GLT8D2: variants seen among roughly 807,000 people sequenced by gnomAD.
GLT8D2 encodes glycosyltransferase 8 domain containing 2.
GLT8D2 carries 45 observed loss-of-function variants against 44.5 expected under a neutral mutation model. That is an observed-to-expected ratio of 1.01 (90% CI 0.80 to 1.30). The LOEUF (loss-of-function observed/expected upper bound fraction) is 1.30. Among genes scored for constraint, GLT8D2 ranks in the 50% most tolerant of loss-of-function variants. The probability of loss-of-function intolerance (pLI) is 0.00; values close to 1 mark genes in which losing one functional copy is unlikely to be tolerated. For synonymous variants in GLT8D2, 156 were observed against 157.2 expected (o/e 0.99, Z 0.06); for missense variants, 400 against 430.4 (o/e 0.93, Z 0.62).
intron 4 of GLT8D2, among the ~76,000 whole-genome samples, chr12:104,010,802 G>A (rs1002279772): frequency 6.6e-5 from 10 of 152,178 alleles, no homozygotes; most frequent in African/African-American, 2.2e-4. Context: ...CTTAATGAAA[G>A]TTTGCTGGAA....
chr12:104,001,737 T>A (rs1463308915), intron 5 of GLT8D2, among the ~76,000 whole-genome samples: 3 of 152,192 alleles, frequency 2.0e-5, no homozygotes, highest in African/African-American at 7.2e-5. Context: ...GCAGTCTCAC[T>A]CTGTCACCCA....
chr12:104,000,804 T>C (rs1167175571), intron 5 of GLT8D2, among the ~76,000 whole-genome samples: 1 of 151,922 alleles, frequency 6.6e-6, no homozygotes, highest in Non-Finnish European at 1.5e-5. Context: ...AGACAGAAAA[T>C]CCAGAAAGCA....
At chr12:103,997,363 A>T in intron 7 of GLT8D2, 88 bp downstream of exon 7, 2 of 946,348 alleles carry the variant, frequency 2.1e-6, no homozygotes, top group Middle Eastern at 2.1e-4. Context: ...CTTGCTGCAC[A>T]ATTAGTTATT....
intron 10 of GLT8D2, among the ~76,000 whole-genome samples, chr12:103,990,655 C>T (rs1872642161): frequency 6.6e-6 from 1 of 152,132 alleles, no homozygotes. Flanking sequence ...ATGACGTTAA[C>T]AACAACACAA....
intron 1 of GLT8D2, among the ~76,000 whole-genome samples, chr12:104,030,451 G>A (rs946869243): frequency 2.0e-5 from 3 of 151,836 alleles, no homozygotes; most frequent in Admixed American, 6.6e-5. Flanking sequence ...AAGAAAACAG[G>A]GGGAAAGCTC....
intron 1 of GLT8D2, among the ~76,000 whole-genome samples, chr12:104,058,923 TCTAA>T (rs1339930535): frequency 2.8e-4 from 43 of 152,176 alleles, no homozygotes; most frequent in Admixed American, 1.4e-3. Context: ...CCTATATACC[TCTAA>T]CTAAGACAGC....
At position 104,027,792 on chromosome 12, in the gene GLT8D2, A is replaced by G. The variant is rs755211558; in HGVS notation, c.-163-6301T>C. ...TTGCTCAAAATCATAAATCTTGTAAATGATGGGGCTGGGATTAAAAATTAG... is the reference window on the plus strand; with the variant it reads ...TTGCTCAAAATCATAAATCTTGTAAGTGATGGGGCTGGGATTAAAAATTAG... On this transcript the variant is annotated intron_variant, in intron 1 of 10. Coordinates refer to ENST00000360814, the MANE Select transcript of GLT8D2 (RefSeq NM_001384711.1). Among the ~76,000 whole-genome samples the G allele has an allele frequency of 7.9e-5, 12 of 152,196 alleles. 1 individual carries two copies. The highest frequency in any genetic ancestry group is 1.6e-4 in the Non-Finnish European group (11 of 68,028).
At chr12:104,040,559 G>A (rs925220200) in intron 1 of GLT8D2, among the ~76,000 whole-genome samples, 13 of 152,194 alleles carry the variant, frequency 8.5e-5, no homozygotes, top group Middle Eastern at 3.4e-3. Flanking sequence ...CAAAGTAGCT[G>A]GGATTACAGA....
chr12:103,999,580 C>A, intron 5 of GLT8D2, 66 bp from the exon 6 acceptor site: 1 of 925,672 alleles, frequency 1.1e-6, no homozygotes, highest in East Asian at 2.4e-5. Flanking sequence ...GCCTATTGCC[C>A]CAAGGTCAAT....
chr12:104,021,911 A>G (rs192567755), intron 1 of GLT8D2, among the ~76,000 whole-genome samples: 813 of 17,146 alleles, frequency 0.047, 18 homozygotes, highest in South Asian at 0.17. Context: ...AAGAAGAAGA[A>G]GAAGAAGAAG....
rs1256132651 is a variant in GLT8D2 at position 104,019,119 on chromosome 12, T to C, written c.19+511A>G. On this transcript the variant is annotated intron_variant, in intron 3 of 10. Coordinates refer to ENST00000360814, the MANE Select transcript of GLT8D2 (RefSeq NM_001384711.1). ...GTAAGTTCACTTCCACTTCTTCTTCTTTTTTTTTTTTTTTTTTTGTGTGTT... is the reference window on the plus strand; with the variant it reads ...GTAAGTTCACTTCCACTTCTTCTTCCTTTTTTTTTTTTTTTTTTGTGTGTT... Among the ~76,000 whole-genome samples the C allele has an allele frequency of 2.9e-4, 8 of 27,328 alleles. No homozygotes were observed. In the South Asian group the frequency reaches 0.014, roughly 47 times the overall value. 17.9% of individuals were successfully genotyped at this position (27,328 alleles called of 152,430 possible).
intron 7 of GLT8D2, 45 bp downstream of exon 7, chr12:103,997,406 T>A (rs1405356254): frequency 1.5e-6 from 2 of 1,320,658 alleles, no homozygotes; most frequent in Admixed American, 3.4e-5. Context: ...ATTCTACTTA[T>A]CAGCTGCTTC....
Position 103,996,755 on chromosome 12 carries a change from T to A in GLT8D2, c.580A>T (p.Asn194Tyr). The change falls in exon 8 of 11, where the codon AAC (asparagine) becomes TAC (tyrosine). Residue 194 changes from asparagine (N) to tyrosine (Y), a missense_variant. Asn to Tyr is a moderately radical substitution (Grantham distance 143). Coordinates refer to ENST00000360814, the MANE Select transcript of GLT8D2 (RefSeq NM_001384711.1). Reference sequence around the variant, plus strand: ...CCCACCTGAAGTCCCACGAGTCTGTTTATGTCCTGAGCAGAGGGCAAATCG... The same window carrying A: ...CCCACCTGAAGTCCCACGAGTCTGTATATGTCCTGAGCAGAGGGCAAATCG... Reference protein sequence around the residue: ...DCDLPSAQDINRLVGLQNTYM... With the variant: ...DCDLPSAQDIYRLVGLQNTYM... The A allele has an allele frequency of 6.2e-7, 1 of 1,613,774 alleles. No homozygotes were observed. Among genetic ancestry groups the A allele is most frequent in the African/African-American group, 1.3e-5 (1 of 75,030 alleles).
upstream of GLT8D2, among the ~76,000 whole-genome samples, chr12:104,051,073 C>CA (rs947292493): frequency 5.3e-5 from 8 of 151,980 alleles, no homozygotes; most frequent in African/African-American, 1.9e-4. Flanking sequence ...CTCAGCCTCC[C>CA]AAAGTGCTGG....
chr12:104,002,021 G>C (rs1464453679), intron 5 of GLT8D2, among the ~76,000 whole-genome samples: 1 of 152,146 alleles, frequency 6.6e-6, no homozygotes, highest in Non-Finnish European at 1.5e-5. Context: ...TGTTGCCCAG[G>C]CTGGAGTTAA....
chr12:104,028,987 A>G (rs1878912392), intron 1 of GLT8D2, among the ~76,000 whole-genome samples: 1 of 152,168 alleles, frequency 6.6e-6, no homozygotes, highest in Admixed American at 6.5e-5. Context: ...TAATGTAACA[A>G]TGAAATGGAA....
intron 8 of GLT8D2, 44 bp from the exon 9 acceptor site, chr12:103,994,545 T>C (rs1460339950): frequency 6.6e-7 from 1 of 1,522,036 alleles, no homozygotes; most frequent in South Asian, 1.3e-5. Context: ...AGCGAATCTT[T>C]TGTTTCTGGA....
intron 1 of GLT8D2, among the ~76,000 whole-genome samples, chr12:104,037,931 A>G (rs1289085030): frequency 6.6e-6 from 1 of 152,202 alleles, no homozygotes; most frequent in Non-Finnish European, 1.5e-5. Flanking sequence ...CAGCACATCA[A>G]AAAGCTTATC....
intron 4 of GLT8D2, among the ~76,000 whole-genome samples, chr12:104,012,976 T>C (rs946450066): frequency 1.3e-5 from 2 of 152,208 alleles, no homozygotes; most frequent in African/African-American, 4.8e-5. Flanking sequence ...GCTCACACCT[T>C]GATCCTGGAC....
Sources: gnomAD v4.1 joint callset for allele counts (sites outside exome capture counted in the v4.1 genomes callset) on GRCh38, gnomAD v4.1.1 for gene constraint, MANE v1.5 for transcripts, NCBI Gene and HGNC (gene_info 2026-07-23, HGNC 2026-07-21) for gene names.